Variants in CFAP20DC observed in about 807,000 individuals in gnomAD.
The protein encoded by CFAP20DC is CFAP20 domain containing.
A neutral mutation model predicts 101.7 loss-of-function variants in CFAP20DC; 84 were observed. The ratio of observed to expected loss-of-function variants is 0.83; its 90% CI spans 0.69 to 0.99. CFAP20DC has a LOEUF of 0.99. Among genes scored for constraint, CFAP20DC ranks in the 50% least tolerant of loss-of-function variants. The probability of loss-of-function intolerance (pLI) is 0.00; values close to 1 mark genes in which losing one functional copy is unlikely to be tolerated. For synonymous variants in CFAP20DC, 359 were observed against 351.2 expected (o/e 1.02, Z -0.25); for missense variants, 1,007 against 970.3 (o/e 1.04, Z -0.50).
rs1001049005 is a variant in CFAP20DC, at chr3:58,914,362, C to G, written c.394-498G>C. Reference sequence around the variant, plus strand: ...AACCAATTAACCTATTGTACGGAAACAGATTCTTCTAAAGAATTTGTAATT... The same window carrying G: ...AACCAATTAACCTATTGTACGGAAAGAGATTCTTCTAAAGAATTTGTAATT... On this transcript the variant is annotated intron_variant, in intron 5 of 16. Transcript: ENST00000482387. The surrounding 1 kb of genome is among the most constrained non-coding windows in gnomAD (Gnocchi z 4.9). Among the ~76,000 whole-genome samples the G allele has an allele frequency of 6.6e-6, 1 of 152,154 alleles. No individual in the cohort carries two copies. The highest frequency in any genetic ancestry group is 1.5e-5 in the Non-Finnish European group (1 of 68,016).
At chr3:59,020,715 T>C (rs145377179) in intron 4 of CFAP20DC, among the ~76,000 whole-genome samples, 1 of 152,164 alleles carries the variant, frequency 6.6e-6, no homozygotes, top group Non-Finnish European at 1.5e-5. Context: ...GCCACACATA[T>C]ATGAGGAGAA....
chr3:58,881,049 C>A (rs1027129195), intron 7 of CFAP20DC, among the ~76,000 whole-genome samples: 1 of 152,114 alleles, frequency 6.6e-6, no homozygotes, highest in Non-Finnish European at 1.5e-5. Flanking sequence ...AAATTTGAAT[C>A]TTACTTTCAT....
chr3:58,853,099 A>G (rs557011328), intron 12 of CFAP20DC, among the ~76,000 whole-genome samples: 1 of 152,302 alleles, frequency 6.6e-6, no homozygotes, highest in African/African-American at 2.4e-5. Flanking sequence ...AGACTAATAA[A>G]GAAGAAAAGA....
intron 4 of CFAP20DC, among the ~76,000 whole-genome samples, chr3:58,966,935 A>AC (rs1464715982): frequency 1.3e-5 from 2 of 152,184 alleles, no homozygotes; most frequent in African/African-American, 4.8e-5. Flanking sequence ...AAATGACAAT[A>AC]CCCCCCACTC....
In CFAP20DC at chr3:58,732,014, G is replaced by A. The variant is rs114472900; in HGVS notation, c.198-14386C>T. 0.021 allele frequency among the ~76,000 whole-genome samples: 3,155 copies of A among 152,290 alleles called. 43 individuals are homozygous for A. The highest frequency in any genetic ancestry group is 0.058 in the Middle Eastern group (17 of 294). ...TTGTAAAGTAGATGAACACAGTTGC[G>A]AGGATTAAATGAGAAAATATGCACA... On this transcript the variant is annotated intron_variant, in intron 3 of 3. Coordinates refer to the CFAP20DC transcript ENST00000486145. This position sits in a 1 kb window ranked among gnomAD's most constrained non-coding sequence, Gnocchi z 5.4.
In CFAP20DC at chr3:58,906,812, C is replaced by A. The variant is rs1318155663; in HGVS notation, c.550+6896G>T. Among the ~76,000 whole-genome samples, 4 of 152,082 alleles carry A rather than the reference C, an allele frequency of 2.6e-5. No homozygotes were observed. In the East Asian group the frequency reaches 5.8e-4, roughly 22 times the overall value. On this transcript the variant is annotated intron_variant, in intron 6 of 16. Coordinates refer to ENST00000482387, the MANE Select transcript of CFAP20DC (RefSeq NM_001394063.1). ...GGCAGGTGGTACACACCTGTAGTCC[C>A]AGCTCATCAGGAGGCTGAGGCAGGA...
intron 7 of CFAP20DC, among the ~76,000 whole-genome samples, chr3:58,876,564 G>A (rs1233040688): frequency 1.3e-5 from 2 of 151,884 alleles, no homozygotes; most frequent in East Asian, 1.9e-4. Flanking sequence ...GTGTAGGTCA[G>A]AGATGTTACC....
chr3:58,817,899 G>C (rs2075318810), intron 14 of CFAP20DC, among the ~76,000 whole-genome samples: 1 of 150,594 alleles, frequency 6.6e-6, no homozygotes, highest in Admixed American at 6.6e-5. Flanking sequence ...AGAAAGGTCG[G>C]GTTACCCTCA....
chr3:58,764,292 G>A (rs551606362), intron 15 of CFAP20DC, among the ~76,000 whole-genome samples: 5 of 152,304 alleles, frequency 3.3e-5, no homozygotes, highest in African/African-American at 1.2e-4. Context: ...AGACTGCTGT[G>A]CTAGCAATAA....
At chr3:58,881,177 G>A (rs1282180337) in intron 7 of CFAP20DC, among the ~76,000 whole-genome samples, 1 of 152,120 alleles carries the variant, frequency 6.6e-6, no homozygotes, top group East Asian at 1.9e-4. Flanking sequence ...AATTGTGCTA[G>A]GAGCTAGGGA....
At chr3:58,738,717 G>T (rs966948993), downstream of CFAP20DC, among the ~76,000 whole-genome samples, 4 of 152,192 alleles carry the variant, frequency 2.6e-5, no homozygotes, top group Non-Finnish European at 5.9e-5. The surrounding 1 kb of genome is among the most constrained non-coding windows in gnomAD (Gnocchi z 4.4). Flanking sequence ...TAATGGGATT[G>T]CTGGGTCAAA....
intron 4 of CFAP20DC, among the ~76,000 whole-genome samples, chr3:59,025,432 G>A (rs952743705): frequency 1.8e-4 from 28 of 152,026 alleles, no homozygotes; most frequent in Non-Finnish European, 3.1e-4. Flanking sequence ...AATTTGTCTC[G>A]AAATGTTTCA....
rs2093425665 is a variant in CFAP20DC at position 59,006,053 on chromosome 3, A to G, written c.278+33504T>C. Among the ~76,000 whole-genome samples, 1 of 152,208 alleles carries G rather than the reference A, an allele frequency of 6.6e-6. No individual in the cohort carries two copies. Among genetic ancestry groups the G allele is most frequent in the African/African-American group, 2.4e-5 (1 of 41,458 alleles). On this transcript the variant is annotated intron_variant, in intron 4 of 16. Coordinates refer to ENST00000482387, the MANE Select transcript of CFAP20DC (RefSeq NM_001394063.1). The surrounding 1 kb of genome is among the most constrained non-coding windows in gnomAD (Gnocchi z 4.3). ...TCCTCAATGAAAAGTACTTTTAAAT[A>G]TCCCTACATTTATATGTGTTTTTAT... is the stretch of plus-strand genomic sequence containing the variant.
chr3:58,916,757 T>G (rs2084772951), intron 5 of CFAP20DC, among the ~76,000 whole-genome samples: 1 of 152,144 alleles, frequency 6.6e-6, no homozygotes, highest in African/African-American at 2.4e-5. Context: ...AAATTATTTT[T>G]TGATTTAGCT....
At chr3:58,749,562 T>A (rs960138714) in intron 16 of CFAP20DC, among the ~76,000 whole-genome samples, 1 of 152,216 alleles carries the variant, frequency 6.6e-6, no homozygotes, top group African/African-American at 2.4e-5. Context: ...AACAACCATA[T>A]GGGAATATTT....
chr3:58,807,955 A>C (rs1021682092), intron 14 of CFAP20DC, among the ~76,000 whole-genome samples: 3 of 152,252 alleles, frequency 2.0e-5, no homozygotes, highest in Non-Finnish European at 2.9e-5. Context: ...ACTGGAAGAA[A>C]GGGTATCAGT....
chr3:58,841,623 C>T (rs2077116054), intron 13 of CFAP20DC, among the ~76,000 whole-genome samples: 1 of 152,236 alleles, frequency 6.6e-6, no homozygotes, highest in African/African-American at 2.4e-5. Flanking sequence ...ATTCTATGGC[C>T]TAAAATATAT....
At chr3:58,762,101 T>G (rs1398137365) in intron 15 of CFAP20DC, among the ~76,000 whole-genome samples, 7 of 152,228 alleles carry the variant, frequency 4.6e-5, no homozygotes, top group African/African-American at 1.7e-4. Flanking sequence ...TTGTTAACTT[T>G]CTGTCTCATG....
In CFAP20DC at chr3:58,854,084, C is replaced by T. The variant is rs1290383392; in HGVS notation, c.1594-4675G>A. 1.2e-4 allele frequency among the ~76,000 whole-genome samples: 19 copies of T among 152,238 alleles called. No homozygotes were observed. In the South Asian group the frequency reaches 2.9e-3, roughly 23 times the overall value. ...ACGACATGATTGTATATCTAGAAAA[C>T]CCCATTGTCTCAGCCCAAAATCTCC... On this transcript the variant is annotated intron_variant, in intron 12 of 16. Coordinates refer to ENST00000482387, the MANE Select transcript of CFAP20DC (RefSeq NM_001394063.1).
Sources: gnomAD v4.1 joint callset for allele counts (sites outside exome capture counted in the v4.1 genomes callset) on GRCh38, gnomAD v4.1.1 for gene constraint, Gnocchi (gnomAD v3.1) non-coding constraint, MANE v1.5 for transcripts, NCBI Gene and HGNC (gene_info 2026-07-23, HGNC 2026-07-21) for gene names.